The following TMEM201 variants were observed in gnomAD, a reference collection of about 807,000 sequenced individuals.
TMEM201 encodes transmembrane protein 201.
In TMEM201, 26 loss-of-function variants were observed where a neutral mutation model predicts 63.4. The observed-to-expected ratio is 0.41, with a 90% CI of 0.30 to 0.57. The LOEUF (loss-of-function observed/expected upper bound fraction) is 0.57, where lower values mean the gene tolerates loss of function less well. TMEM201 is among the 20% of genes least tolerant of loss of function. The probability of loss-of-function intolerance (pLI) is 0.29; values close to 1 mark genes in which losing one functional copy is unlikely to be tolerated. For missense variants in TMEM201, 794 were observed against 917.7 expected (o/e 0.87, Z 1.74); for synonymous variants, 417 against 421.6 (o/e 0.99, Z 0.14).
In TMEM201 at chr1:9,611,746, T is replaced by G; in HGVS notation, c.1766-7T>G. On this transcript the variant is annotated splice_polypyrimidine_tract_variant and splice_region_variant and intron_variant, in intron 9 of 10. Coordinates refer to ENST00000340381, the MANE Select transcript of TMEM201 (RefSeq NM_001130924.3). The stretch of plus-strand genomic sequence containing the variant: ...CGCCACTGAGAAACACACCCTTCTC[T>G]CTGCAGACCTGAGATCCAAGCTGGA... The G allele has an allele frequency of 8.4e-6, 13 of 1,551,288 alleles. No homozygotes were observed. The highest frequency in any genetic ancestry group is 1.1e-5 in the Non-Finnish European group (13 of 1,147,044).
chr1:9,592,616 C>T (rs930140623), intron 1 of TMEM201, among the ~76,000 whole-genome samples: 3 of 152,216 alleles, frequency 2.0e-5, no homozygotes, highest in African/African-American at 7.2e-5. Flanking sequence ...TGAGGCATCC[C>T]GCAGGAGCTT....
rs184235586 is a variant in TMEM201, at chr1:9,601,722, G to T, written c.956+268G>T. 5.9e-5 allele frequency among the ~76,000 whole-genome samples: 9 copies of T among 152,254 alleles called. No homozygotes were observed. The East Asian group carries it at 1.2e-3, about 20-fold the overall frequency. On this transcript the variant is annotated intron_variant, in intron 5 of 10. Coordinates refer to ENST00000340381, the MANE Select transcript of TMEM201 (RefSeq NM_001130924.3). The stretch of plus-strand genomic sequence containing the variant: ...TCGGGCTCTGTCAAATCAGGATGAC[G>T]ATAACCACCTGCCTCCTGGGTTGTG...
At position 9,611,835 on chromosome 1, in the gene TMEM201, C is replaced by T; in HGVS notation, c.1848C>T (p.Thr616=). The change falls in exon 10 of 11, where the codon ACC becomes ACT. Residue 616 remains threonine, a synonymous_variant. Coordinates refer to ENST00000340381, the MANE Select transcript of TMEM201 (RefSeq NM_001130924.3). ...AGGACGACTCTTCCCAGTCATCTAC[C>T]TGTGTGGTGGACACCACCACCAGGG... The part of the protein sequence containing the change: ...KKEDDSSQSS[T]CVVDTTTRGC... 1.9e-6 allele frequency: 3 copies of T among 1,550,780 alleles called. No individual in the cohort carries two copies. The highest frequency in any genetic ancestry group is 2.6e-6 in the Non-Finnish European group (3 of 1,146,956).
At chr1:9,595,005 C>T (rs187748504) in intron 1 of TMEM201, among the ~76,000 whole-genome samples, 16 of 151,072 alleles carry the variant, frequency 1.1e-4, no homozygotes, top group African/African-American at 3.7e-4. Flanking sequence ...CTGGAGGTGG[C>T]CCCTGGGGGA....
chr1:9,607,450 G>A lies in TMEM201; in HGVS notation c.1161-107G>A. 1 of 824,004 alleles carries A rather than the reference G, an allele frequency of 1.2e-6. No homozygotes were observed. Among genetic ancestry groups the A allele is most frequent in the Non-Finnish European group, 1.9e-6 (1 of 538,006 alleles). The allele number at this position is 824,004 out of a possible 1,614,324, so 51.0% of individuals were successfully genotyped here. On this transcript the variant is annotated intron_variant, in intron 6 of 10. Transcript: ENST00000340381. The surrounding 1 kb of genome is among the most constrained non-coding windows in gnomAD (Gnocchi z 5.4). Reference sequence around the variant, plus strand: ...GCACGCCTCCTCTGGGACCCCAGCTGAGGCCCCCACCTTGCACTGTGGGAG... The same window carrying A: ...GCACGCCTCCTCTGGGACCCCAGCTAAGGCCCCCACCTTGCACTGTGGGAG...
chr1:9,592,512 C>A (rs1178612349), intron 1 of TMEM201, among the ~76,000 whole-genome samples: 1 of 152,154 alleles, frequency 6.6e-6, no homozygotes, highest in East Asian at 1.9e-4. Flanking sequence ...AGTGCCCCCT[C>A]TAGCAGGTTC....
chr1:9,609,705 C>A, intron 7 of TMEM201, 135 bp from the exon 8 acceptor site: 1 of 818,830 alleles, frequency 1.2e-6, no homozygotes, highest in South Asian at 1.7e-5. Context: ...CCGAGGAATC[C>A]GTGAGCACCT....
At chr1:9,600,434 A>G (rs888114957) in intron 4 of TMEM201, among the ~76,000 whole-genome samples, 1 of 152,152 alleles carries the variant, frequency 6.6e-6, no homozygotes, top group Admixed American at 6.5e-5. Context: ...AGGAGGACGA[A>G]TGCAAGTGCC....
At chr1:9,593,950 G>C (rs1176756509) in intron 1 of TMEM201, among the ~76,000 whole-genome samples, 1 of 152,238 alleles carries the variant, frequency 6.6e-6, no homozygotes. Flanking sequence ...TAGTTGCCCG[G>C]GAGTGCTAGA....
intron 1 of TMEM201, among the ~76,000 whole-genome samples, chr1:9,593,628 A>C (rs1197479227): frequency 6.6e-6 from 1 of 152,184 alleles, no homozygotes; most frequent in Non-Finnish European, 1.5e-5. Flanking sequence ...GAATGGAAAC[A>C]TGACTTCCTG....
chr1:9,614,432 C>T lies in TMEM201; in HGVS notation c.*1349C>T, dbSNP rs1164069336. On this transcript the variant is annotated 3_prime_UTR_variant, in exon 11 of 11. Coordinates refer to ENST00000340381, the MANE Select transcript of TMEM201 (RefSeq NM_001130924.3). ...GGGGAAGGAGCTTGCTCTGACGTCA[C>T]CCTCCTCTCCCCTGACTCCTGTCCT... The T allele has an allele frequency of 1.3e-5, 2 of 151,638 alleles. No homozygotes were observed. The highest frequency in any genetic ancestry group is 2.9e-5 in the Non-Finnish European group (2 of 67,966). 9.4% of individuals were successfully genotyped at this position (151,638 alleles called of 1,614,324 possible).
At chr1:9,601,560 G>A in intron 5 of TMEM201, 106 bp downstream of exon 5, 3 of 1,084,472 alleles carry the variant, frequency 2.8e-6, no homozygotes, top group Non-Finnish European at 2.6e-6. Context: ...GCCCTAGGCT[G>A]AACTCCACCA....
intron 1 of TMEM201, among the ~76,000 whole-genome samples, chr1:9,592,056 C>G (rs1315405026): frequency 6.6e-6 from 1 of 152,230 alleles, no homozygotes; most frequent in East Asian, 1.9e-4. Flanking sequence ...AGGAGCGACC[C>G]TAGAATGGTG....
chr1:9,599,354 T>G (rs1350972397), intron 4 of TMEM201, among the ~76,000 whole-genome samples: 1 of 151,190 alleles, frequency 6.6e-6, no homozygotes, highest in Non-Finnish European at 1.5e-5. Context: ...TTCAAGCAAT[T>G]TTCCTGCCTC....
chr1:9,609,705 C>T, intron 7 of TMEM201, 135 bp from the exon 8 acceptor site: 1 of 818,830 alleles, frequency 1.2e-6, no homozygotes. Context: ...CCGAGGAATC[C>T]GTGAGCACCT....
Position 9,613,451 on chromosome 1 carries a change from C to A in TMEM201, c.*368C>A. The stretch of plus-strand genomic sequence containing the variant: ...TACTGTAACTGCAGCAGGAGCTGCC[C>A]GGCCTGCCTTCTGGCCCCACGCCCA... On this transcript the variant is annotated 3_prime_UTR_variant, in exon 11 of 11. Transcript: ENST00000340381. 1 of 292,144 alleles carries A rather than the reference C, an allele frequency of 3.4e-6. No homozygotes were observed. Among genetic ancestry groups the A allele is most frequent in the South Asian group, 5.6e-5 (1 of 17,756 alleles). 18.1% of individuals were successfully genotyped at this position (292,144 alleles called of 1,614,324 possible). A position where few individuals can be genotyped will look rare whatever the true frequency, so the allele number is the denominator to read the frequency against.
Position 9,604,664 on chromosome 1 carries a change from C to A in TMEM201, c.1160+2392C>A. On this transcript the variant is annotated intron_variant, in intron 6 of 10. Coordinates refer to ENST00000340381, the MANE Select transcript of TMEM201 (RefSeq NM_001130924.3). This position sits in a 1 kb window ranked among gnomAD's most constrained non-coding sequence, Gnocchi z 4.1. ...GCGAGGTAGATTCAGCCATCCTCACCCTCAGACTTGAGGTCCCCACCCAGG... is the reference window on the plus strand; with the variant it reads ...GCGAGGTAGATTCAGCCATCCTCACACTCAGACTTGAGGTCCCCACCCAGG... The A allele has an allele frequency of 1.0e-6, 1 of 985,742 alleles. No homozygotes were observed. Among genetic ancestry groups the A allele is most frequent in the Non-Finnish European group, 1.2e-6 (1 of 829,954 alleles). The allele number at this position is 985,742 out of a possible 1,614,324, so 61.1% of individuals were successfully genotyped here.
chr1:9,610,574 G>A lies in TMEM201; in HGVS notation c.1534G>A (p.Gly512Ser), dbSNP rs566600384. The A allele has an allele frequency of 9.7e-5, 151 of 1,550,018 alleles. No individual in the cohort carries two copies. The highest frequency in any genetic ancestry group is 9.6e-4 in the Admixed American group (49 of 50,966). The change falls in exon 9 of 11, where the codon GGC becomes AGC. Residue 512 changes from glycine (G) to serine (S), a missense_variant. Physicochemically the swap from Gly to Ser is moderately conservative, Grantham distance 56. Transcript: ENST00000340381. The surrounding 1 kb of genome is among the most constrained non-coding windows in gnomAD (Gnocchi z 4.9). ...CCCTTCCCCAGCGCCTTCCGTGGCC[G>A]GCTCGGTGGCCTCCAGCTCCGGCTC... ...PLPSPAPSVA[G>S]SVASSSGSLR...
At chr1:9,611,341 G>T (rs1644321945) in intron 9 of TMEM201, among the ~76,000 whole-genome samples, 2 of 152,064 alleles carry the variant, frequency 1.3e-5, no homozygotes, top group African/African-American at 2.4e-5. Context: ...GGGACTACAG[G>T]TGCGCGCCAC....
Sources: gnomAD v4.1 joint callset for allele counts (sites outside exome capture counted in the v4.1 genomes callset) on GRCh38, gnomAD v4.1.1 for gene constraint, Gnocchi (gnomAD v3.1) non-coding constraint, MANE v1.5 for transcripts, NCBI Gene and HGNC (gene_info 2026-07-23, HGNC 2026-07-21) for gene names.